The following GALNT1 variants were observed in gnomAD, a reference collection of about 807,000 sequenced individuals.
GALNT1 encodes the protein GalNAc transferase 1.
In GALNT1, 17 loss-of-function variants were observed where a neutral mutation model predicts 65.7. The observed-to-expected ratio is 0.26, with a 90% CI of 0.18 to 0.39. The LOEUF (loss-of-function observed/expected upper bound fraction) is 0.39. GALNT1 is among the 10% of genes least tolerant of loss of function. The pLI is 1.00. For synonymous variants in GALNT1, 210 were observed against 219.7 expected (o/e 0.96, Z 0.39); for missense variants, 460 against 672.8 (o/e 0.68, Z 3.50).
intron 9 of GALNT1, among the ~76,000 whole-genome samples, chr18:35,696,974 A>AACTT (rs1338012183): frequency 6.6e-6 from 1 of 152,250 alleles, no homozygotes; most frequent in Non-Finnish European, 1.5e-5. Flanking sequence ...GAAACAAAGA[A>AACTT]ACTTAAGCTC....
intron 4 of GALNT1, among the ~76,000 whole-genome samples, chr18:35,679,001 TAAAG>T (rs961075001): frequency 9.9e-5 from 15 of 152,070 alleles, no homozygotes; most frequent in African/African-American, 1.9e-4. Flanking sequence ...TTAATCAAAT[TAAAG>T]AGATACTTTA....
At chr18:35,650,312 A>G (rs2047293918) in intron 1 of GALNT1, among the ~76,000 whole-genome samples, 1 of 152,228 alleles carries the variant, frequency 6.6e-6, no homozygotes, top group African/African-American at 2.4e-5. Context: ...TGTGGGTCAC[A>G]GAGTTCACAT....
At chr18:35,689,427 TAAAAA>T in intron 7 of GALNT1, 137 bp downstream of exon 7, 1 of 603,836 alleles carries the variant, frequency 1.7e-6, no homozygotes, top group Non-Finnish European at 2.9e-6. Flanking sequence ...CTTCAGTCCA[TAAAAA>T]GGACTGATAG....
At chr18:35,708,524 C>T (rs2048303328) in intron 11 of GALNT1, among the ~76,000 whole-genome samples, 1 of 152,180 alleles carries the variant, frequency 6.6e-6, no homozygotes, top group Non-Finnish European at 1.5e-5. Flanking sequence ...AAAAGAACTA[C>T]ATTAAAATAG....
At position 35,604,891 on chromosome 18, in the gene GALNT1, CAG is replaced by C. The variant is rs141698812; in HGVS notation, c.-104+23032_-104+23033del. ...GTTAGAAACTGCGTAAATTAGGACT[CAG>C]AGGACCACCTGGTTTTAGTTTCTAC... On this transcript the variant is annotated intron_variant, in intron 1 of 11. Coordinates refer to ENST00000269195, the MANE Select transcript of GALNT1 (RefSeq NM_020474.4). Among the ~76,000 whole-genome samples the C allele has an allele frequency of 6.4e-3, 970 of 152,284 alleles. 10 individuals carry two copies. Among genetic ancestry groups the C allele is most frequent in the African/African-American group, 0.022 (895 of 41,560 alleles).
intron 1 of GALNT1, among the ~76,000 whole-genome samples, chr18:35,608,326 T>C (rs1000836794): frequency 6.6e-6 from 1 of 152,226 alleles, no homozygotes; most frequent in Non-Finnish European, 1.5e-5. Context: ...TTAAATTTAA[T>C]GTTTTTTAAG....
chr18:35,677,646 T>G lies in GALNT1; in HGVS notation c.370T>G (p.Phe124Val), dbSNP rs1461013463. ...NLPTTSVVIV[F>V]HNEAWSTLLR... is the part of the protein sequence containing the mutation. ...TCCTACAACAAGTGTGGTGATTGTT[T>G]TCCACAATGAGGCTTGGAGCACACT... The change falls in exon 4 of 12, where the codon TTC (phenylalanine) becomes GTC (valine). Residue 124 changes from phenylalanine (F) to valine (V), a missense_variant. Coordinates refer to ENST00000269195, the MANE Select transcript of GALNT1 (RefSeq NM_020474.4). The G allele has an allele frequency of 1.2e-6, 2 of 1,613,154 alleles. No individual in the cohort carries two copies. The highest frequency in any genetic ancestry group is 1.7e-6 in the Non-Finnish European group (2 of 1,179,376).
At chr18:35,649,947 A>T (rs1209865493) in intron 1 of GALNT1, among the ~76,000 whole-genome samples, 1 of 152,190 alleles carries the variant, frequency 6.6e-6, no homozygotes, top group Non-Finnish European at 1.5e-5. Flanking sequence ...CTGTTGTGAC[A>T]GACAGTGCCT....
At chr18:35,691,807 A>G (rs1451338496) in intron 8 of GALNT1, among the ~76,000 whole-genome samples, 1 of 152,202 alleles carries the variant, frequency 6.6e-6, no homozygotes, top group African/African-American at 2.4e-5. Flanking sequence ...AAGACTGTCA[A>G]GTGGCAGGGT....
At chr18:35,609,898 C>T (rs2046695605) in intron 1 of GALNT1, among the ~76,000 whole-genome samples, 1 of 152,044 alleles carries the variant, frequency 6.6e-6, no homozygotes, top group African/African-American at 2.4e-5. Context: ...TTTGGTTGTT[C>T]TTCAGTATAC....
At chr18:35,648,098 G>A (rs1299797412) in intron 1 of GALNT1, among the ~76,000 whole-genome samples, 1 of 149,000 alleles carries the variant, frequency 6.7e-6, no homozygotes, top group Admixed American at 6.7e-5. Flanking sequence ...GTGGAAGGGA[G>A]GGAGGAAAGG....
intron 2 of GALNT1, among the ~76,000 whole-genome samples, chr18:35,657,093 CTTAT>C (rs371214558): frequency 8.1e-4 from 123 of 150,962 alleles, no homozygotes; most frequent in African/African-American, 2.9e-3. Flanking sequence ...TTTCATTTTT[CTTAT>C]TTATTTATTC....
chr18:35,677,730 G>C lies in GALNT1; in HGVS notation c.454G>C (p.Val152Leu). The change falls in exon 4 of 12, where the codon GTT becomes CTT. Residue 152 changes from valine to leucine, a missense_variant. Coordinates refer to ENST00000269195, the MANE Select transcript of GALNT1 (RefSeq NM_020474.4). ...RSPRHMIEEI[V>L]LVDDASERDF... ...ACCAAGACACATGATAGAAGAAATT[G>C]TTCTAGTAGATGATGCCAGTGAAAG... 1 of 1,607,358 alleles carries C rather than the reference G, an allele frequency of 6.2e-7. No homozygotes were observed. Among genetic ancestry groups the C allele is most frequent in the Non-Finnish European group, 8.5e-7 (1 of 1,175,970 alleles).
At chr18:35,620,724 G>A (rs947330801) in intron 1 of GALNT1, among the ~76,000 whole-genome samples, 2 of 149,006 alleles carry the variant, frequency 1.3e-5, no homozygotes, top group Non-Finnish European at 3.0e-5. Context: ...TAGTTTATTC[G>A]TTTTTCCTGC....
chr18:35,594,434 A>G (rs1460540778), intron 1 of GALNT1, among the ~76,000 whole-genome samples: 1 of 151,674 alleles, frequency 6.6e-6, no homozygotes, highest in Non-Finnish European at 1.5e-5. Flanking sequence ...AGGGTGAGAG[A>G]GGGGGTCCAG....
chr18:35,587,251 G>A (rs563885805), intron 1 of GALNT1, among the ~76,000 whole-genome samples: 56 of 152,250 alleles, frequency 3.7e-4, no homozygotes, highest in Middle Eastern at 6.8e-3. Context: ...AGTTCTTCTG[G>A]AGATTCCTTG....
chr18:35,663,275 G>A (rs2047502169), intron 2 of GALNT1, among the ~76,000 whole-genome samples: 1 of 152,194 alleles, frequency 6.6e-6, no homozygotes, highest in African/African-American at 2.4e-5. Context: ...GATAGTTTTG[G>A]AAAATTAGGT....
chr18:35,627,182 T>G (rs1306833004), intron 1 of GALNT1, among the ~76,000 whole-genome samples: 1 of 152,232 alleles, frequency 6.6e-6, no homozygotes, highest in Non-Finnish European at 1.5e-5. Flanking sequence ...GATAATTTTG[T>G]ATTTCCACTG....
intron 1 of GALNT1, among the ~76,000 whole-genome samples, chr18:35,640,182 G>C (rs751452252): frequency 6.6e-6 from 1 of 151,856 alleles, no homozygotes; most frequent in Non-Finnish European, 1.5e-5. Context: ...TTCTTTTTTT[G>C]CCTTATTAAA....
Sources: gnomAD v4.1 joint callset for allele counts (sites outside exome capture counted in the v4.1 genomes callset) on GRCh38, gnomAD v4.1.1 for gene constraint, MANE v1.5 for transcripts, NCBI Gene and HGNC (gene_info 2026-07-23, HGNC 2026-07-21) for gene names.